Variants in YIPF2 observed in about 807,000 individuals in gnomAD.
The protein encoded by YIPF2 is protein YIPF2.
YIPF2 carries 30 observed loss-of-function variants against 38.8 expected under a neutral mutation model. That is an observed-to-expected ratio of 0.77 (90% CI 0.58 to 1.05). The LOEUF (loss-of-function observed/expected upper bound fraction) is 1.05. YIPF2 is among the 50% of genes least tolerant of loss of function. YIPF2 has a pLI of 0.00. For synonymous variants in YIPF2, 194 were observed against 183.8 expected, an observed-to-expected ratio of 1.06 and a Z score of -0.45; for missense variants, 401 against 409.7, an observed-to-expected ratio of 0.98 and a Z score of 0.18.
chr19:10,925,193 C>G (rs1022592639), intron 5 of YIPF2, among the ~76,000 whole-genome samples: 2 of 151,158 alleles, frequency 1.3e-5, no homozygotes, highest in Non-Finnish European at 2.9e-5. Context: ...GATCACATCA[C>G]TGCACTCCAG....
chr19:10,924,011 A>G lies in YIPF2; in HGVS notation c.485-12T>C, dbSNP rs758872205. 8.7e-6 allele frequency: 14 copies of G among 1,612,216 alleles called. No homozygotes were observed. Among genetic ancestry groups the G allele is most frequent in the Non-Finnish European group, 1.1e-5 (13 of 1,179,062 alleles). ...GCCTGCCACGGTCACTGGGGGGGGCAAGGTGAGCAGTCACCCCCTGTACCC... is the reference window on the plus strand; with the variant it reads ...GCCTGCCACGGTCACTGGGGGGGGCGAGGTGAGCAGTCACCCCCTGTACCC... On this transcript the variant is annotated splice_polypyrimidine_tract_variant and intron_variant, in intron 6 of 9. Coordinates refer to ENST00000586748, the MANE Select transcript of YIPF2 (RefSeq NM_001321439.2).
At position 10,923,068 on chromosome 19, in the gene YIPF2, T is replaced by A. The variant is rs763979510; in HGVS notation, c.*126A>T. On this transcript the variant is annotated 3_prime_UTR_variant, in exon 10 of 10. Coordinates refer to ENST00000586748, the MANE Select transcript of YIPF2 (RefSeq NM_001321439.2). ...ATAGAAAATAAAAGTGTTTGCTTTG[T>A]AAGAAAAGTCTGGAAAGTAGCAGAA... 2 of 510,820 alleles carry A rather than the reference T, an allele frequency of 3.9e-6. No individual in the cohort carries two copies. The highest frequency in any genetic ancestry group is 6.8e-6 in the Non-Finnish European group (2 of 293,346). 31.6% of individuals were successfully genotyped at this position (510,820 alleles called of 1,614,324 possible). A position where few individuals can be genotyped will look rare whatever the true frequency, so the allele number is the denominator to read the frequency against.
intron 2 of YIPF2, 61 bp downstream of exon 2, chr19:10,928,318 CG>C: frequency 2.3e-6 from 3 of 1,328,682 alleles, no homozygotes; most frequent in Non-Finnish European, 1.9e-6. Context: ...GAAGCCGTAT[CG>C]GGGGGAGGTT....
In YIPF2 at chr19:10,923,577, A is replaced by C. The variant is rs1042479682; in HGVS notation, c.752T>G (p.Val251Gly). ...AGLVFTLWPV[V>G]REDTRLVATV... ...GGCCACCAGCCTGGTGTCCTCACGG[A>C]CCACGGGCCAGAGGGTGAATACCAG... The change falls in exon 8 of 10, where the codon GTC becomes GGC. Residue 251 changes from valine (V) to glycine (G), a missense_variant. Physicochemically the swap from Val to Gly is moderately radical, Grantham distance 109. Transcript: ENST00000586748. 3 of 1,612,742 alleles carry C rather than the reference A, an allele frequency of 1.9e-6. No individual in the cohort carries two copies. The highest frequency in any genetic ancestry group is 2.5e-6 in the Non-Finnish European group (3 of 1,179,800).
At position 10,928,101 on chromosome 19, in the gene YIPF2, G is replaced by C. The variant is rs142810293; in HGVS notation, c.32-142C>G. The C allele has an allele frequency of 5.6e-4, 707 of 1,258,398 alleles. 5 individuals carry two copies. In the Middle Eastern group the frequency reaches 5.7e-3, roughly 10 times the overall value. The allele number at this position is 1,258,398 out of a possible 1,614,324, so 78.0% of individuals were successfully genotyped here. A position where few individuals can be genotyped will look rare whatever the true frequency, so the allele number is the denominator to read the frequency against. On this transcript the variant is annotated intron_variant, in intron 2 of 9. Transcript: ENST00000586748. Reference sequence around the variant, plus strand: ...CCCAAGGTGGGGCCCAACTTCCTCAGTTTGGAGGCATCCGGAGGACATCTG... The same window carrying C: ...CCCAAGGTGGGGCCCAACTTCCTCACTTTGGAGGCATCCGGAGGACATCTG...
chr19:10,922,549 A>C lies in YIPF2; in HGVS notation c.*645T>G, dbSNP rs1181336878. The C allele has an allele frequency of 7.1e-6, 1 of 140,022 alleles. No homozygotes were observed. The highest frequency in any genetic ancestry group is 7.7e-5 in the Admixed American group (1 of 12,966). The allele number at this position is 140,022 out of a possible 1,614,324, so 8.7% of individuals were successfully genotyped here. A position where few individuals can be genotyped will look rare whatever the true frequency, so the allele number is the denominator to read the frequency against. On this transcript the variant is annotated 3_prime_UTR_variant, in exon 10 of 10. Transcript: ENST00000586748. ...AAGGCCACTGCCGGCCACTTGGGGCAGACACAGACACCTCAAGGATCTGTC... is the reference window on the plus strand; with the variant it reads ...AAGGCCACTGCCGGCCACTTGGGGCCGACACAGACACCTCAAGGATCTGTC...
At position 10,923,906 on chromosome 19, in the gene YIPF2, C is replaced by T. The variant is rs77275750; in HGVS notation, c.578G>A (p.Arg193His). ...FLRWRKGVQERMGPYTFLETV... is the reference protein window; with the variant it reads ...FLRWRKGVQEHMGPYTFLETV... ...CTCCAGGAAGGTGTAGGGCCCCATG[C>T]GCTCCTGGACACCCTTGCGCCACCG... The change falls in exon 7 of 10, where the codon CGC becomes CAC. Residue 193 changes from arginine (R) to histidine (H), a missense_variant. By Grantham distance (29) the Arg-to-His change is conservative. Transcript: ENST00000586748. 0.015 allele frequency: 24,229 copies of T among 1,612,954 alleles called. 225 individuals are homozygous for T. Among genetic ancestry groups the T allele is most frequent in the Non-Finnish European group, 0.018 (21,492 of 1,179,524 alleles).
chr19:10,927,645 G>C lies in YIPF2; in HGVS notation c.264C>G (p.Asp88Glu), dbSNP rs374465630. ...WTFSYYQSFF[D>E]VDTSQVLDRI... ...CCAGCCTGACCTGTGAGGTGTCCAC[G>C]TCAAAGAAGCTCTGATAGTAGCTGA... is the stretch of plus-strand genomic sequence containing the variant. The change falls in exon 4 of 10, where the codon GAC (aspartate) becomes GAG (glutamate). Residue 88 changes from aspartate to glutamate, a missense_variant. Physicochemically the swap from Asp to Glu is conservative, Grantham distance 45. Transcript: ENST00000586748. 6.2e-7 allele frequency: 1 copy of C among 1,613,774 alleles called. No individual in the cohort carries two copies. Among genetic ancestry groups the C allele is most frequent in the Non-Finnish European group, 8.5e-7 (1 of 1,179,988 alleles).
At chr19:10,926,809 G>A (rs957003933) in intron 4 of YIPF2, among the ~76,000 whole-genome samples, 3 of 151,692 alleles carry the variant, frequency 2.0e-5, no homozygotes, top group Admixed American at 6.6e-5. Flanking sequence ...TACAGGCGCC[G>A]ACCACTGCAC....
intron 2 of YIPF2, among the ~76,000 whole-genome samples, 181 bp downstream of exon 2, chr19:10,928,199 G>A (rs2083456901): frequency 1.3e-5 from 2 of 151,194 alleles, no homozygotes; most frequent in Non-Finnish European, 1.5e-5. Context: ...GGGACGAGAG[G>A]CTCGGGTTTG....
chr19:10,927,312 G>A (rs1288929892), intron 4 of YIPF2, among the ~76,000 whole-genome samples: 2 of 152,130 alleles, frequency 1.3e-5, no homozygotes, highest in African/African-American at 4.8e-5. Flanking sequence ...TCCATCTTTG[G>A]TCTTCTGCAT....
chr19:10,928,234 G>A (rs994474194), intron 2 of YIPF2, 146 bp downstream of exon 2: 2 of 1,005,222 alleles, frequency 2.0e-6, no homozygotes, highest in Non-Finnish European at 2.7e-6. Flanking sequence ...GGCGGGGGCG[G>A]GGTTCGAGTC....
rs1264290036 is a variant in YIPF2, at chr19:10,924,157, G to A, written c.403C>T (p.Leu135=). ...FWICATLAFV[L]AVTGNLTLVL... is the part of the protein sequence containing the mutation. Reference sequence around the variant, plus strand: ...AGCGTCAGGTTGCCAGTGACGGCCAGGACAAAGGCCAACGTGGCACAGATC... The same window carrying A: ...AGCGTCAGGTTGCCAGTGACGGCCAAGACAAAGGCCAACGTGGCACAGATC... Residue 135 remains leucine, a synonymous_variant, in exon 6 of 10, where the codon CTG becomes TTG. Coordinates refer to ENST00000586748, the MANE Select transcript of YIPF2 (RefSeq NM_001321439.2). 2 of 1,613,296 alleles carry A rather than the reference G, an allele frequency of 1.2e-6. No individual in the cohort carries two copies. The highest frequency in any genetic ancestry group is 1.1e-5 in the South Asian group (1 of 91,080).
In YIPF2 at chr19:10,925,588, G is replaced by C. The variant is rs537543856; in HGVS notation, c.367+98C>G. 5.0e-6 allele frequency: 7 copies of C among 1,406,716 alleles called. No individual in the cohort carries two copies. In the East Asian group the frequency reaches 1.7e-4, roughly 34 times the overall value. 87.1% of individuals were successfully genotyped at this position (1,406,716 alleles called of 1,614,324 possible). ...GAACAGCAGGTAAGTCACACTGTCT[G>C]AGTGACTGATTTGTCCGCAGCTATA... On this transcript the variant is annotated intron_variant, in intron 5 of 9. Transcript: ENST00000586748.
At chr19:10,927,364 A>T (rs912669231) in intron 4 of YIPF2, among the ~76,000 whole-genome samples, 14 of 151,852 alleles carry the variant, frequency 9.2e-5, no homozygotes, top group African/African-American at 3.4e-4. Context: ...CTGCTTCCCT[A>T]CCCTATTCCC....
chr19:10,928,523 T>G lies in YIPF2; in HGVS notation c.-43A>C. 7.8e-7 allele frequency: 1 copy of G among 1,275,978 alleles called. No homozygotes were observed. The highest frequency in any genetic ancestry group is 1.0e-6 in the Non-Finnish European group (1 of 987,900). The allele number at this position is 1,275,978 out of a possible 1,614,324, so 79.0% of individuals were successfully genotyped here. The stretch of plus-strand genomic sequence containing the variant: ...CCCCCAGCCCTACCTGGCGACCAAC[T>G]GCACCCACGGAGGCTTGAACTCGTC... On this transcript the variant is annotated 5_prime_UTR_variant, in exon 1 of 10. Transcript: ENST00000586748.
intron 3 of YIPF2, 26 bp from the exon 4 acceptor site, chr19:10,927,742 TGC>T (rs1436582329): frequency 6.2e-7 from 1 of 1,612,234 alleles, no homozygotes; most frequent in Non-Finnish European, 8.5e-7. Flanking sequence ...ATTCAGTGCC[TGC>T]CCGGAGAGCC....
chr19:10,927,950 TCCTCG>T lies in YIPF2; in HGVS notation c.36_40del (p.Phe12LeufsTer4). Reference sequence around the variant, plus strand: ...GGTGTCAGCCAGAAGATTAGTGGCCTCCTCGAATTCTGTGGAGGAGGTATATGGGA... The same window carrying T: ...GGTGTCAGCCAGAAGATTAGTGGCCTAATTCTGTGGAGGAGGTATATGGGA... On this transcript the variant is annotated frameshift_variant, in exon 3 of 10. Transcript: ENST00000586748. LOFTEE classifies it high-confidence loss of function. 1 of 1,605,498 alleles carries T rather than the reference TCCTCG, an allele frequency of 6.2e-7. No homozygotes were observed. The highest frequency in any genetic ancestry group is 8.5e-7 in the Non-Finnish European group (1 of 1,173,156).
At chr19:10,923,771 G>A in intron 7 of YIPF2, 62 bp downstream of exon 7, 1 of 1,585,128 alleles carries the variant, frequency 6.3e-7, no homozygotes, top group Non-Finnish European at 8.6e-7. Flanking sequence ...GAATGAGGCG[G>A]CAGGTGACCA....
Sources: allele counts gnomAD v4.1 joint callset (sites outside exome capture counted in the v4.1 genomes callset), GRCh38; gene constraint gnomAD v4.1.1; transcripts MANE v1.5; gene names NCBI Gene and HGNC (gene_info 2026-07-23, HGNC 2026-07-21).